GRIN2B: variants seen among roughly 807,000 people sequenced by gnomAD.
GRIN2B encodes glutamate ionotropic receptor NMDA type subunit 2B.
Under a neutral mutation model 114.5 loss-of-function variants are expected in GRIN2B, and 5 were observed. That is an observed-to-expected ratio of 0.04 (90% CI 0.02 to 0.09). GRIN2B has a LOEUF of 0.09. Among genes scored for constraint, GRIN2B ranks in the 10% least tolerant of loss-of-function variants. The pLI is 1.00. For synonymous variants in GRIN2B, 787 were observed against 745.1 expected (o/e 1.06, Z -0.92); for missense variants, 1,108 against 1,943.5 (o/e 0.57, Z 8.08).
chr12:13,868,724 C>T (rs988193145), intron 2 of GRIN2B, among the ~76,000 whole-genome samples: 4 of 152,164 alleles, frequency 2.6e-5, no homozygotes, highest in Admixed American at 2.0e-4. Context: ...TCTTGTCTCA[C>T]ACAATATATT....
At chr12:13,964,219 C>T (rs187754078) in intron 2 of GRIN2B, among the ~76,000 whole-genome samples, 12 of 152,294 alleles carry the variant, frequency 7.9e-5, no homozygotes, top group African/African-American at 1.7e-4. Flanking sequence ...GTTGGCTCAC[C>T]CGTGTCTGGG....
Position 13,552,572 on chromosome 12 carries a change from C to G in GRIN2B, c.*10211G>C, listed in dbSNP as rs563336188. On this transcript the variant is annotated 3_prime_UTR_variant, in exon 14 of 14. Transcript: ENST00000609686. ...CTAGAATTTTGGTCCATTTATTGGC[C>G]CAAATGAGATTCATGAACGTCCTTC... 1 of 151,926 alleles carries G rather than the reference C, an allele frequency of 6.6e-6. No individual in the cohort carries two copies. The highest frequency in any genetic ancestry group is 1.5e-5 in the Non-Finnish European group (1 of 67,984). 9.4% of individuals were successfully genotyped at this position (151,926 alleles called of 1,614,324 possible).
chr12:13,876,888 A>T (rs1222378327), intron 2 of GRIN2B, among the ~76,000 whole-genome samples: 1 of 152,232 alleles, frequency 6.6e-6, no homozygotes, highest in Admixed American at 6.5e-5. Context: ...TTTGTTAATG[A>T]CATTAATGAA....
At position 13,869,294 on chromosome 12, in the gene GRIN2B, T is replaced by C. The variant is rs1484386191; in HGVS notation, c.-18-3068A>G. Among the ~76,000 whole-genome samples the C allele has an allele frequency of 3.3e-5, 5 of 149,652 alleles. 1 individual carries two copies. Among genetic ancestry groups the C allele is most frequent in the Admixed American group, 2.7e-4 (4 of 14,938 alleles). Reference sequence around the variant, plus strand: ...ATGCAACAGATACAGATTCTATCCTTCAGGACCATGGTCTAGCAGAAGATA... The same window carrying C: ...ATGCAACAGATACAGATTCTATCCTCCAGGACCATGGTCTAGCAGAAGATA... On this transcript the variant is annotated intron_variant, in intron 2 of 13. Transcript: ENST00000609686.
rs990955246 is a variant in GRIN2B at position 13,555,466 on chromosome 12, G to A, written c.*7317C>T. 1 of 152,188 alleles carries A rather than the reference G, an allele frequency of 6.6e-6. No individual in the cohort carries two copies. The highest frequency in any genetic ancestry group is 1.5e-5 in the Non-Finnish European group (1 of 68,048). 9.4% of individuals were successfully genotyped at this position (152,188 alleles called of 1,614,324 possible). ...AAATTCAAGAGTCAAATTGGATTGA[G>A]AGATTTGTCTTTAGAGATAGTTGTA... On this transcript the variant is annotated 3_prime_UTR_variant, in exon 14 of 14. Coordinates refer to ENST00000609686, the MANE Select transcript of GRIN2B (RefSeq NM_000834.5).
At chr12:13,572,117 G>A (rs1170762533) in intron 10 of GRIN2B, among the ~76,000 whole-genome samples, 153 bp from the exon 11 acceptor site, 1 of 152,188 alleles carries the variant, frequency 6.6e-6, no homozygotes, top group African/African-American at 2.4e-5. Flanking sequence ...GAATACATTA[G>A]CCCTCACTCA....
At chr12:13,686,888 G>C (rs959772220) in intron 4 of GRIN2B, among the ~76,000 whole-genome samples, 1 of 152,188 alleles carries the variant, frequency 6.6e-6, no homozygotes, top group African/African-American at 2.4e-5. Flanking sequence ...AATGGAAGCT[G>C]TTTGGGTCAT....
intron 4 of GRIN2B, among the ~76,000 whole-genome samples, chr12:13,730,412 C>T (rs557317523): frequency 6.6e-6 from 1 of 152,196 alleles, no homozygotes; most frequent in East Asian, 1.9e-4. Context: ...TTGTTCCAGG[C>T]CCCCTGCTAA....
At chr12:13,704,328 G>T (rs2136572212) in intron 4 of GRIN2B, among the ~76,000 whole-genome samples, 1 of 152,204 alleles carries the variant, frequency 6.6e-6, no homozygotes, top group South Asian at 2.1e-4. Context: ...GAGGAGAAGG[G>T]CATGGGCTGA....
At chr12:13,785,274 C>G (rs923306843) in intron 3 of GRIN2B, among the ~76,000 whole-genome samples, 1 of 152,206 alleles carries the variant, frequency 6.6e-6, no homozygotes, top group African/African-American at 2.4e-5. Context: ...GTTTTAACCC[C>G]ATCTGCATAA....
chr12:13,578,366 T>C (rs1206782485), intron 10 of GRIN2B, among the ~76,000 whole-genome samples: 2 of 152,194 alleles, frequency 1.3e-5, no homozygotes, highest in Non-Finnish European at 2.9e-5. Context: ...CCTTGGCCTT[T>C]GGAAACCTCG....
chr12:13,762,859 G>T (rs914648404), intron 3 of GRIN2B, among the ~76,000 whole-genome samples: 1 of 152,120 alleles, frequency 6.6e-6, no homozygotes. Flanking sequence ...AATCCAGAAA[G>T]AAGTTTTCTG....
In GRIN2B at chr12:13,559,136, C is replaced by T. The variant is rs891288057; in HGVS notation, c.*3647G>A. 6.6e-6 allele frequency: 1 copy of T among 152,164 alleles called. No homozygotes were observed. The highest frequency in any genetic ancestry group is 1.5e-5 in the Non-Finnish European group (1 of 68,016). The allele number at this position is 152,164 out of a possible 1,614,324, so 9.4% of individuals were successfully genotyped here. On this transcript the variant is annotated 3_prime_UTR_variant, in exon 14 of 14. Coordinates refer to ENST00000609686, the MANE Select transcript of GRIN2B (RefSeq NM_000834.5). ...AATTCTTCCTCATGCATTTTACTTG[C>T]TTGTTATTCTGGAATTAAGTAACAT...
chr12:13,874,388 C>T lies in GRIN2B; in HGVS notation c.-18-8162G>A, dbSNP rs141929883. On this transcript the variant is annotated intron_variant, in intron 2 of 13. Coordinates refer to ENST00000609686, the MANE Select transcript of GRIN2B (RefSeq NM_000834.5). ...ATAACTAATAAAGGATTATAAATCA[C>T]TTTACATGTGTGCATTTTAATAGAA... Among the ~76,000 whole-genome samples the T allele has an allele frequency of 3.5e-4, 54 of 152,326 alleles. 1 individual carries two copies. In the East Asian group the frequency reaches 0.01, roughly 28 times the overall value.
At chr12:13,839,452 T>A (rs771361532) in intron 3 of GRIN2B, among the ~76,000 whole-genome samples, 1 of 152,136 alleles carries the variant, frequency 6.6e-6, no homozygotes, top group East Asian at 1.9e-4. Flanking sequence ...ATGGTGAAAA[T>A]CCCTGAGATG....
intron 2 of GRIN2B, among the ~76,000 whole-genome samples, chr12:13,972,326 G>A (rs764229186): frequency 1.1e-4 from 16 of 152,080 alleles, no homozygotes; most frequent in African/African-American, 1.9e-4. Flanking sequence ...TCACTTTATG[G>A]AAATTAGAAA....
At chr12:13,612,871 A>G (rs898690968) in intron 8 of GRIN2B, among the ~76,000 whole-genome samples, 1 of 152,232 alleles carries the variant, frequency 6.6e-6, no homozygotes, top group South Asian at 2.1e-4. Flanking sequence ...TTGTAAACTC[A>G]TAACTAAGTG....
chr12:13,795,036 G>C (rs553203405), intron 3 of GRIN2B, among the ~76,000 whole-genome samples: 1 of 152,210 alleles, frequency 6.6e-6, no homozygotes, highest in Non-Finnish European at 1.5e-5. Context: ...CTGATGTTTT[G>C]AGACTTAAAG....
intron 3 of GRIN2B, among the ~76,000 whole-genome samples, chr12:13,826,611 T>C (rs1336274149): frequency 6.6e-6 from 1 of 152,232 alleles, no homozygotes; most frequent in Non-Finnish European, 1.5e-5. Flanking sequence ...TTCAGCAGTT[T>C]TATTTATAAT....
Sources: allele counts gnomAD v4.1 joint callset (sites outside exome capture counted in the v4.1 genomes callset), GRCh38; gene constraint gnomAD v4.1.1; transcripts MANE v1.5; gene names NCBI Gene and HGNC (gene_info 2026-07-23, HGNC 2026-07-21).